The following PSTPIP2 variants were observed in gnomAD, a reference collection of about 807,000 sequenced individuals.
The protein encoded by PSTPIP2 is proline-serine-threonine phosphatase interacting protein 2.
A neutral mutation model predicts 63.3 loss-of-function variants in PSTPIP2; 33 were observed. The observed-to-expected ratio is 0.52, with a 90% CI of 0.40 to 0.70. The LOEUF (loss-of-function observed/expected upper bound fraction) is 0.70. Ranked by LOEUF, PSTPIP2 falls within the 30% of genes least tolerant of loss-of-function variation. The probability of loss-of-function intolerance (pLI) is 0.00; values close to 1 mark genes in which losing one functional copy is unlikely to be tolerated. For synonymous variants in PSTPIP2, 125 were observed against 132.7 expected, an observed-to-expected ratio of 0.94 and a Z score of 0.40; for missense variants, 312 against 400.7, an observed-to-expected ratio of 0.78 and a Z score of 1.89.
At chr18:46,001,748 T>A (rs957148303) in intron 6 of PSTPIP2, among the ~76,000 whole-genome samples, 1 of 152,146 alleles carries the variant, frequency 6.6e-6, no homozygotes, top group African/African-American at 2.4e-5. Flanking sequence ...TTTTTTAATT[T>A]AAAAAAATTT....
In PSTPIP2 at chr18:46,072,155, C is replaced by T. The variant is rs1275744513; in HGVS notation, c.33+1G>A. ...GATCCGCTGTCGGCCCCACGACTTA[C>T]CCAAAAGTTTCCCTTGAACAGTGAG... On this transcript the variant is annotated splice_donor_variant, in intron 1 of 14. Transcript: ENST00000409746. LOFTEE classifies it high-confidence loss of function. 6.5e-7 allele frequency: 1 copy of T among 1,535,878 alleles called. No homozygotes were observed. Among genetic ancestry groups the T allele is most frequent in the Non-Finnish European group, 8.8e-7 (1 of 1,141,444 alleles).
At chr18:46,054,716 A>T (rs1203682712) in intron 1 of PSTPIP2, among the ~76,000 whole-genome samples, 1 of 148,320 alleles carries the variant, frequency 6.7e-6, no homozygotes, top group Admixed American at 6.9e-5. Context: ...GTTGGAGTGC[A>T]GTGGCGCGAT....
chr18:46,047,732 T>C (rs1908435899), intron 1 of PSTPIP2, among the ~76,000 whole-genome samples: 1 of 152,078 alleles, frequency 6.6e-6, no homozygotes, highest in Non-Finnish European at 1.5e-5. Flanking sequence ...AAAACATGAG[T>C]AAGTGTTCTT....
At chr18:45,990,024 T>C (rs1418222672) in intron 13 of PSTPIP2, 1 of 152,252 alleles carries the variant, frequency 6.6e-6, no homozygotes, top group Non-Finnish European at 1.5e-5. Context: ...AAAAGACTAC[T>C]GTGATTAGTG....
intron 1 of PSTPIP2, among the ~76,000 whole-genome samples, chr18:46,048,574 T>C (rs939077866): frequency 1.3e-5 from 2 of 152,144 alleles, no homozygotes; most frequent in African/African-American, 4.8e-5. Context: ...CCTGCCTTGT[T>C]CCTCCCAAAA....
intron 1 of PSTPIP2, among the ~76,000 whole-genome samples, chr18:46,068,651 G>A (rs1261445066): frequency 6.6e-6 from 1 of 151,818 alleles, no homozygotes; most frequent in African/African-American, 2.4e-5. Context: ...AGGATAGCTT[G>A]AGGCAAGGAG....
At chr18:46,027,350 T>TTA (rs1907616810) in intron 2 of PSTPIP2, among the ~76,000 whole-genome samples, 3 of 147,962 alleles carry the variant, frequency 2.0e-5, no homozygotes, top group Admixed American at 6.7e-5. Context: ...ATAAAAATAT[T>TTA]AAAAAAATTT....
At chr18:46,028,243 C>G (rs1907660470) in intron 2 of PSTPIP2, 2 of 401,592 alleles carry the variant, frequency 5.0e-6, no homozygotes, top group African/African-American at 4.3e-5. Flanking sequence ...GCCGCGGGAA[C>G]TGAGGAGCCG....
intron 1 of PSTPIP2, among the ~76,000 whole-genome samples, chr18:46,045,838 C>A (rs78426525): frequency 0.014 from 2,113 of 152,304 alleles, 53 homozygotes; most frequent in African/African-American, 0.048. Flanking sequence ...GTCCCAGCTC[C>A]TCAGGAGGCT....
chr18:46,026,577 A>G (rs1374230379), intron 2 of PSTPIP2, among the ~76,000 whole-genome samples: 1 of 152,242 alleles, frequency 6.6e-6, no homozygotes, highest in African/African-American at 2.4e-5. Flanking sequence ...ATAAACATGA[A>G]GAAAAGTACA....
chr18:46,028,623 C>T, intron 2 of PSTPIP2: 1 of 802,732 alleles, frequency 1.2e-6, no homozygotes, highest in Non-Finnish European at 2.2e-6. Context: ...TCAAAAGAAG[C>T]CAATTTGGGT....
intron 1 of PSTPIP2, among the ~76,000 whole-genome samples, chr18:46,070,378 C>T (rs543653942): frequency 1.4e-3 from 215 of 152,324 alleles, no homozygotes; most frequent in African/African-American, 5.0e-3. Flanking sequence ...AAGACCTCCC[C>T]GTATCCAGCA....
chr18:46,022,124 GC>G (rs1457180194), intron 3 of PSTPIP2, among the ~76,000 whole-genome samples: 4 of 151,818 alleles, frequency 2.6e-5, no homozygotes, highest in African/African-American at 7.3e-5. Context: ...TATATAATTA[GC>G]CAATGAAAAA....
At chr18:46,057,603 T>C (rs1395638211) in intron 1 of PSTPIP2, among the ~76,000 whole-genome samples, 1 of 152,122 alleles carries the variant, frequency 6.6e-6, no homozygotes, top group Non-Finnish European at 1.5e-5. Flanking sequence ...GCACTGGGAT[T>C]ACAGGCGTGC....
intron 5 of PSTPIP2, among the ~76,000 whole-genome samples, chr18:46,009,026 C>G (rs1383282739): frequency 1.3e-5 from 2 of 152,084 alleles, no homozygotes; most frequent in Non-Finnish European, 2.9e-5. Flanking sequence ...TCTTCCTCCC[C>G]CCCATCATGT....
intron 2 of PSTPIP2, chr18:46,028,502 C>T: frequency 1.6e-6 from 1 of 637,100 alleles, no homozygotes; most frequent in South Asian, 1.4e-5. Flanking sequence ...TCGGCGATGT[C>T]GAGGACGACG....
intron 14 of PSTPIP2, among the ~76,000 whole-genome samples, chr18:45,987,843 T>A (rs775043029): frequency 2.4e-4 from 37 of 152,200 alleles, no homozygotes; most frequent in Admixed American, 5.9e-4. Flanking sequence ...AAAGTCACCA[T>A]GCAGTATATC....
chr18:46,057,993 G>T (rs1237991473), intron 1 of PSTPIP2, among the ~76,000 whole-genome samples: 20 of 75,452 alleles, frequency 2.7e-4, no homozygotes, highest in African/African-American at 1.2e-3. Context: ...GTGAGACTCC[G>T]TCTCAAAAAA....
intron 1 of PSTPIP2, among the ~76,000 whole-genome samples, chr18:46,060,579 A>C (rs1908952072): frequency 6.6e-6 from 1 of 152,198 alleles, no homozygotes; most frequent in East Asian, 1.9e-4. Context: ...AAGGTAGGAG[A>C]GCTGTGGCTG....
Sources: gnomAD v4.1 joint callset for allele counts (sites outside exome capture counted in the v4.1 genomes callset) on GRCh38, gnomAD v4.1.1 for gene constraint, MANE v1.5 for transcripts, NCBI Gene and HGNC (gene_info 2026-07-23, HGNC 2026-07-21) for gene names.